The following DPEP1 variants were observed in gnomAD, a reference collection of about 807,000 sequenced individuals.
DPEP1 encodes the protein dipeptidase 1, also known as beta-lactamase.
Under a neutral mutation model 42.3 loss-of-function variants are expected in DPEP1, and 50 were observed. That is an observed-to-expected ratio of 1.18 (90% CI 0.94 to 1.50). DPEP1 has a LOEUF of 1.50. DPEP1 is among the 40% of genes most tolerant of loss of function. DPEP1 has a pLI of 0.00. For missense variants in DPEP1, 663 were observed against 553.0 expected, an observed-to-expected ratio of 1.20 and a Z score of -1.99; for synonymous variants, 297 against 234.0, an observed-to-expected ratio of 1.27 and a Z score of -2.46.
Position 89,630,316 on chromosome 16 carries a change from C to A in DPEP1, c.-95C>A. 1.0e-6 allele frequency: 1 copy of A among 985,142 alleles called. No homozygotes were observed. The highest frequency in any genetic ancestry group is 1.5e-6 in the Non-Finnish European group (1 of 648,754). 61.0% of individuals were successfully genotyped at this position (985,142 alleles called of 1,614,324 possible). A position where few individuals can be genotyped will look rare whatever the true frequency, so the allele number is the denominator to read the frequency against. Reference sequence around the variant, plus strand: ...GCCTCTCCTGGCAGGCAGAGTGGCTCCTCACAGCCTGAAGCTCATCCTTCT... The same window carrying A: ...GCCTCTCCTGGCAGGCAGAGTGGCTACTCACAGCCTGAAGCTCATCCTTCT... On this transcript the variant is annotated 5_prime_UTR_variant, in exon 2 of 11. Coordinates refer to ENST00000690203, the MANE Select transcript of DPEP1 (RefSeq NM_001389466.1).
intron 2 of DPEP1, among the ~76,000 whole-genome samples, chr16:89,631,010 C>T (rs997211680): frequency 2.0e-5 from 3 of 152,064 alleles, no homozygotes; most frequent in East Asian, 3.9e-4. Context: ...TCCCTGGTCC[C>T]GAAGCTCAGA....
chr16:89,626,925 C>T (rs1407832037), intron 1 of DPEP1, among the ~76,000 whole-genome samples: 1 of 151,356 alleles, frequency 6.6e-6, no homozygotes, highest in East Asian at 2.0e-4. Flanking sequence ...TGAGACCACC[C>T]TGGCCAACAT....
At chr16:89,628,501 GC>G (rs1343016533) in intron 1 of DPEP1, among the ~76,000 whole-genome samples, 1 of 146,316 alleles carries the variant, frequency 6.8e-6, no homozygotes, top group Non-Finnish European at 1.5e-5. Flanking sequence ...CAGGTGATCC[GC>G]CCGCCTCAGC....
chr16:89,636,119 A>G (rs928512567), intron 3 of DPEP1, 79 bp downstream of exon 3: 2 of 1,548,738 alleles, frequency 1.3e-6, no homozygotes, highest in Non-Finnish European at 8.7e-7. Context: ...CAGTGGGACC[A>G]TCCCTGTGGT....
intron 2 of DPEP1, among the ~76,000 whole-genome samples, chr16:89,634,334 A>C (rs61659339): frequency 6.6e-6 from 1 of 151,712 alleles, no homozygotes; most frequent in Non-Finnish European, 1.5e-5. Context: ...TGATCTGCCC[A>C]CCTCGGCCTC....
chr16:89,614,751 T>C (rs545795071), intron 1 of DPEP1, among the ~76,000 whole-genome samples: 126 of 152,280 alleles, frequency 8.3e-4, no homozygotes, highest in Admixed American at 1.4e-3. Flanking sequence ...GCTGAGATCG[T>C]GCCACTGCAC....
chr16:89,637,841 C>T lies in DPEP1; in HGVS notation c.935C>T (p.Pro312Leu), dbSNP rs776276878. 7 of 1,612,654 alleles carry T rather than the reference C, an allele frequency of 4.3e-6. No individual in the cohort carries two copies. In the South Asian group the frequency reaches 6.6e-5, roughly 15 times the overall value. Residue 312 changes from proline (P) to leucine (L), a missense_variant, in exon 10 of 11, where the codon CCT becomes CTT. Pro to Leu is a moderately conservative substitution (Grantham distance 98). Transcript: ENST00000690203. ...GGDFDGVPRV[P>L]EGLEDVSKYP... Reference sequence around the variant, plus strand: ...TTCTCCTGGCCTCAACACAGGGTCCCTGAGGGGCTGGAGGACGTCTCCAAG... The same window carrying T: ...TTCTCCTGGCCTCAACACAGGGTCCTTGAGGGGCTGGAGGACGTCTCCAAG...
In DPEP1 at chr16:89,638,275, G is replaced by A. The variant is rs947654116; in HGVS notation, c.*53G>A. On this transcript the variant is annotated 3_prime_UTR_variant, in exon 11 of 11. Coordinates refer to ENST00000690203, the MANE Select transcript of DPEP1 (RefSeq NM_001389466.1). ...GGTTCCCGGAGCTCCGGGAAGACCC[G>A]CCCATCCCAGGACTCCAGATGCCAG... 16 of 1,484,780 alleles carry A rather than the reference G, an allele frequency of 1.1e-5. No individual in the cohort carries two copies. The highest frequency in any genetic ancestry group is 2.4e-5 in the East Asian group (1 of 41,974). 92.0% of individuals were successfully genotyped at this position (1,484,780 alleles called of 1,614,324 possible). A position where few individuals can be genotyped will look rare whatever the true frequency, so the allele number is the denominator to read the frequency against.
chr16:89,626,685 C>T (rs891339294), intron 1 of DPEP1, among the ~76,000 whole-genome samples: 5 of 150,490 alleles, frequency 3.3e-5, no homozygotes, highest in Non-Finnish European at 3.0e-5. Context: ...GTTTGGCAGT[C>T]CCCCCCTCAA....
intron 1 of DPEP1, among the ~76,000 whole-genome samples, chr16:89,627,097 TAAAAA>T: frequency 6.9e-6 from 1 of 145,398 alleles, no homozygotes; most frequent in South Asian, 2.2e-4. Flanking sequence ...TTGTCTCTAC[TAAAAA>T]AAAAGAAAAA....
At chr16:89,634,142 G>A (rs2059628682) in intron 2 of DPEP1, among the ~76,000 whole-genome samples, 1 of 141,074 alleles carries the variant, frequency 7.1e-6, no homozygotes, top group Non-Finnish European at 1.5e-5. Context: ...AGGCTGGAGT[G>A]CAGTGGTGCG....
intron 1 of DPEP1, among the ~76,000 whole-genome samples, chr16:89,628,252 C>CTTTTTTTTT (rs60909664): frequency 9.3e-5 from 7 of 75,516 alleles, no homozygotes; most frequent in East Asian, 2.3e-4. Flanking sequence ...TCTTTCTTTT[C>CTTTTTTTTT]TTTCTTTTTT....
At chr16:89,635,428 G>T (rs1193407410) in intron 2 of DPEP1, among the ~76,000 whole-genome samples, 18 of 152,296 alleles carry the variant, frequency 1.2e-4, no homozygotes, top group Non-Finnish European at 1.5e-5. Flanking sequence ...GGAGGATGGG[G>T]GTCCCAGGCC....
intron 1 of DPEP1, among the ~76,000 whole-genome samples, chr16:89,618,864 T>A (rs959598440): frequency 4.6e-5 from 7 of 152,048 alleles, no homozygotes; most frequent in South Asian, 4.1e-4. Flanking sequence ...GCTCTTTACG[T>A]ACGCACATCC....
At chr16:89,616,085 C>T (rs2059377165) in intron 1 of DPEP1, among the ~76,000 whole-genome samples, 1 of 147,756 alleles carries the variant, frequency 6.8e-6, no homozygotes, top group Non-Finnish European at 1.5e-5. Flanking sequence ...AAAAAAAACA[C>T]AAAAAGTGAA....
Position 89,638,187 on chromosome 16 carries a change from C to A in DPEP1, c.1201C>A (p.Leu401Ile). ...HRHWGLLLAS[L>I]APLVLCLSLL The stretch of plus-strand genomic sequence containing the variant: ...CCACTGGGGGCTCCTGCTGGCCTCC[C>A]TCGCTCCCCTGGTCCTCTGTCTGTC... The change falls in exon 11 of 11, where the codon CTC becomes ATC. Residue 401 changes from leucine (L) to isoleucine (I), a missense_variant. By Grantham distance (5) the Leu-to-Ile change is conservative. Transcript: ENST00000690203. The A allele has an allele frequency of 6.3e-7, 1 of 1,594,756 alleles. No homozygotes were observed. Among genetic ancestry groups the A allele is most frequent in the Non-Finnish European group, 8.6e-7 (1 of 1,168,886 alleles).
rs562118257 is a variant in DPEP1, at chr16:89,614,773, T to C, written c.-107+1054T>C. ...TCGTGCCACTGCACTCCAGCCTGAG[T>C]GACAGAGCGAGACTCCGTATCCAAA... On this transcript the variant is annotated intron_variant, in intron 1 of 10. Coordinates refer to ENST00000690203, the MANE Select transcript of DPEP1 (RefSeq NM_001389466.1). Among the ~76,000 whole-genome samples the C allele has an allele frequency of 2.0e-3, 302 of 152,098 alleles. 4 individuals are homozygous for C. The highest frequency in any genetic ancestry group is 5.7e-3 in the African/African-American group (236 of 41,498).
At chr16:89,634,233 C>A (rs960211095) in intron 2 of DPEP1, among the ~76,000 whole-genome samples, 1 of 151,804 alleles carries the variant, frequency 6.6e-6, no homozygotes, top group East Asian at 1.9e-4. Flanking sequence ...GGACTACAGG[C>A]ACCCGCCACC....
At chr16:89,620,229 G>A (rs962260660) in intron 1 of DPEP1, among the ~76,000 whole-genome samples, 8 of 152,102 alleles carry the variant, frequency 5.3e-5, no homozygotes, top group South Asian at 4.2e-4. Context: ...TCCCAACTCC[G>A]GGGCCAGGGT....
Sources: gnomAD v4.1 joint callset for allele counts (sites outside exome capture counted in the v4.1 genomes callset) on GRCh38, gnomAD v4.1.1 for gene constraint, MANE v1.5 for transcripts, NCBI Gene and HGNC (gene_info 2026-07-23, HGNC 2026-07-21) for gene names.